The following EPHB1 variants were observed in gnomAD, a reference collection of about 807,000 sequenced individuals.
EPHB1 encodes EPH receptor B1, also known as ephrin type-B receptor 1.
A neutral mutation model predicts 94.4 loss-of-function variants in EPHB1; 30 were observed. The observed-to-expected ratio is 0.32, with a 90% CI of 0.24 to 0.43. EPHB1 has a LOEUF of 0.43. Ranked by LOEUF, EPHB1 falls within the 20% of genes least tolerant of loss-of-function variation. EPHB1 has a pLI of 1.00. For synonymous variants in EPHB1, 522 were observed against 489.1 expected (o/e 1.07, Z -0.89); for missense variants, 1,055 against 1,308.3 (o/e 0.81, Z 2.99).
intron 4 of EPHB1, among the ~76,000 whole-genome samples, chr3:135,129,792 GA>G (rs1477963647): frequency 6.6e-6 from 1 of 152,202 alleles, no homozygotes; most frequent in African/African-American, 2.4e-5. Context: ...CTTGAAGAGT[GA>G]GCAGGAGTTC....
chr3:135,158,197 G>A (rs1199371499), intron 6 of EPHB1, among the ~76,000 whole-genome samples: 17 of 152,286 alleles, frequency 1.1e-4, no homozygotes, highest in South Asian at 2.1e-4. Flanking sequence ...AACACAAATA[G>A]AATTCAGCAC....
chr3:135,194,594 G>A (rs1166395835), intron 11 of EPHB1, among the ~76,000 whole-genome samples: 1 of 152,182 alleles, frequency 6.6e-6, no homozygotes, highest in African/African-American at 2.4e-5. Context: ...GAGCTTAGGG[G>A]CTGTAGTGTG....
chr3:134,996,404 T>C (rs1390824823), intron 3 of EPHB1, among the ~76,000 whole-genome samples: 3 of 152,134 alleles, frequency 2.0e-5, no homozygotes, highest in African/African-American at 7.2e-5. Flanking sequence ...CAGGCTACTC[T>C]TGAGCACTTG....
At chr3:135,225,106 TTC>T (rs778770177) in intron 12 of EPHB1, among the ~76,000 whole-genome samples, 18 of 152,156 alleles carry the variant, frequency 1.2e-4, no homozygotes, top group Non-Finnish European at 1.5e-5. Context: ...GCTGTTTAAT[TTC>T]TGTTTCTGTC....
intron 2 of EPHB1, among the ~76,000 whole-genome samples, chr3:134,930,722 C>G (rs1202407666): frequency 4.6e-5 from 7 of 152,242 alleles, no homozygotes; most frequent in African/African-American, 1.7e-4. Context: ...CCTCCCTACT[C>G]TGTTCCTTCT....
chr3:134,804,866 T>C (rs1204529417), intron 1 of EPHB1, among the ~76,000 whole-genome samples: 4 of 152,242 alleles, frequency 2.6e-5, no homozygotes, highest in East Asian at 3.9e-4. Context: ...CCTAGTCCCA[T>C]TGGACAGTGG....
At chr3:135,171,026 G>A (rs1341420766) in intron 9 of EPHB1, among the ~76,000 whole-genome samples, 1 of 152,136 alleles carries the variant, frequency 6.6e-6, no homozygotes, top group Non-Finnish European at 1.5e-5. Flanking sequence ...TTTCACATAG[G>A]GTAAGAGGGC....
At chr3:135,001,953 G>A (rs1935201224) in intron 3 of EPHB1, among the ~76,000 whole-genome samples, 4 of 152,140 alleles carry the variant, frequency 2.6e-5, no homozygotes, top group Admixed American at 2.6e-4. Flanking sequence ...GCAGAGACTT[G>A]AACATATCAT....
intron 1 of EPHB1, among the ~76,000 whole-genome samples, chr3:134,884,525 A>C (rs1285483475): frequency 6.6e-6 from 1 of 152,234 alleles, no homozygotes; most frequent in Non-Finnish European, 1.5e-5. Flanking sequence ...GCTAGAGAAT[A>C]TGGTGGCTTA....
chr3:134,931,283 G>A (rs1415577096), intron 2 of EPHB1, among the ~76,000 whole-genome samples: 1 of 152,226 alleles, frequency 6.6e-6, no homozygotes, highest in Non-Finnish European at 1.5e-5. Flanking sequence ...GGCTGTGATG[G>A]ATTAGAAAGG....
At position 135,259,881 on chromosome 3, in the gene EPHB1, CTG is replaced by C. The variant is rs939743450; in HGVS notation, c.*764_*765del. On this transcript the variant is annotated 3_prime_UTR_variant, in exon 16 of 16. Transcript: ENST00000398015. Reference sequence around the variant, plus strand: ...TATGTATGTCTGTGTTATAAAATGACTGTGCTTGTTCGTAACAGATGCAAACA... The same window carrying C: ...TATGTATGTCTGTGTTATAAAATGACTGCTTGTTCGTAACAGATGCAAACA... 2.6e-4 allele frequency: 60 copies of C among 227,276 alleles called. No individual in the cohort carries two copies. The highest frequency in any genetic ancestry group is 1.3e-3 in the African/African-American group (58 of 45,106). 14.1% of individuals were successfully genotyped at this position (227,276 alleles called of 1,614,324 possible).
At chr3:134,903,148 T>C (rs913776233) in intron 1 of EPHB1, among the ~76,000 whole-genome samples, 13 of 152,198 alleles carry the variant, frequency 8.5e-5, no homozygotes, top group African/African-American at 2.9e-4. Context: ...TTTGATGTAT[T>C]AAAAATAAAT....
intron 4 of EPHB1, among the ~76,000 whole-genome samples, chr3:135,130,095 G>C (rs1940366664): frequency 6.6e-6 from 1 of 152,188 alleles, no homozygotes; most frequent in Non-Finnish European, 1.5e-5. Context: ...TACTCTGGCA[G>C]AAGAGACTAT....
At chr3:134,902,337 G>A (rs968296123) in intron 1 of EPHB1, among the ~76,000 whole-genome samples, 8 of 152,158 alleles carry the variant, frequency 5.3e-5, no homozygotes, top group African/African-American at 1.7e-4. Context: ...ACAAGTTTTT[G>A]GCTTGAGTCA....
intron 3 of EPHB1, among the ~76,000 whole-genome samples, chr3:135,049,717 C>T (rs991552649): frequency 3.3e-5 from 5 of 152,190 alleles, no homozygotes; most frequent in Non-Finnish European, 7.3e-5. Flanking sequence ...ACTTTGGGGA[C>T]CAGGTTTTGA....
At chr3:135,052,628 G>A (rs1016963746) in intron 3 of EPHB1, among the ~76,000 whole-genome samples, 4 of 151,418 alleles carry the variant, frequency 2.6e-5, no homozygotes, top group South Asian at 2.1e-4. Context: ...TTGGGAGGCC[G>A]AGGCGGGCGG....
At chr3:135,129,177 G>C (rs904728609) in intron 4 of EPHB1, among the ~76,000 whole-genome samples, 3 of 149,150 alleles carry the variant, frequency 2.0e-5, no homozygotes, top group Admixed American at 6.7e-5. Flanking sequence ...AAAACAACAT[G>C]GAAAAAAACC....
intron 3 of EPHB1, among the ~76,000 whole-genome samples, chr3:134,988,440 A>G (rs188355971): frequency 6.6e-6 from 1 of 152,352 alleles, no homozygotes; most frequent in Non-Finnish European, 1.5e-5. Flanking sequence ...AAGAGCAGTT[A>G]GCCTAATCAA....
intron 3 of EPHB1, among the ~76,000 whole-genome samples, chr3:134,963,870 G>A (rs1053334788): frequency 2.6e-5 from 4 of 152,170 alleles, no homozygotes; most frequent in Admixed American, 1.3e-4. Flanking sequence ...GGGACTTCAC[G>A]GATAGTGTTC....
Sources: gnomAD v4.1 joint callset for allele counts (sites outside exome capture counted in the v4.1 genomes callset) on GRCh38, gnomAD v4.1.1 for gene constraint, MANE v1.5 for transcripts, NCBI Gene and HGNC (gene_info 2026-07-23, HGNC 2026-07-21) for gene names.